Variants in KIF13B observed in about 807,000 individuals in gnomAD.
The protein encoded by KIF13B is kinesin family member 13B.
KIF13B carries 127 observed loss-of-function variants against 222.0 expected under a neutral mutation model. That is an observed-to-expected ratio of 0.57 (90% CI 0.50 to 0.66). KIF13B has a LOEUF of 0.66. KIF13B is among the 30% of genes least tolerant of loss of function. KIF13B has a pLI of 0.00. For synonymous variants in KIF13B, 976 were observed against 919.0 expected (o/e 1.06, Z -1.12); for missense variants, 2,173 against 2,379.0 (o/e 0.91, Z 1.80).
At chr8:29,209,320 C>G (rs1451768756) in intron 2 of KIF13B, among the ~76,000 whole-genome samples, 1 of 152,148 alleles carries the variant, frequency 6.6e-6, no homozygotes, top group African/African-American at 2.4e-5. Flanking sequence ...ATCTGTCTCT[C>G]CATTCTGATG....
chr8:29,101,885 C>T (rs375190912), intron 35 of KIF13B, among the ~76,000 whole-genome samples: 13 of 152,096 alleles, frequency 8.5e-5, no homozygotes, highest in African/African-American at 2.7e-4. Flanking sequence ...CGAATCTCTG[C>T]GGAAACACTC....
intron 24 of KIF13B, among the ~76,000 whole-genome samples, chr8:29,129,553 G>A (rs1017116497): frequency 2.0e-5 from 3 of 151,628 alleles, no homozygotes; most frequent in Non-Finnish European, 2.9e-5. Context: ...TTCTACGCTC[G>A]TTTTCTAGAG....
At position 29,142,269 on chromosome 8, in the gene KIF13B, A is replaced by C; in HGVS notation, c.2222T>G (p.Val741Gly). The change falls in exon 19 of 40, where the codon GTG becomes GGG. Residue 741 changes from valine (V) to glycine (G), a missense_variant. Coordinates refer to ENST00000524189, the MANE Select transcript of KIF13B (RefSeq NM_015254.4). ...GSLLSEPAIQ[V>G]RRKGKGKQIW... ...CTGCTTTCCTTTTCCTTTTCTTCTC[A>C]CCTGGATTGCAGGCTCACTAAGAAG... The C allele has an allele frequency of 1.2e-6, 2 of 1,613,452 alleles. No individual in the cohort carries two copies. Among genetic ancestry groups the C allele is most frequent in the African/African-American group, 2.7e-5 (2 of 74,954 alleles).
In KIF13B at chr8:29,161,497, G is replaced by C. The variant is rs182478778; in HGVS notation, c.1270-630C>G. On this transcript the variant is annotated intron_variant, in intron 12 of 39. Coordinates refer to ENST00000524189, the MANE Select transcript of KIF13B (RefSeq NM_015254.4). ...AGGCAGGCAGATCACTTGAGGTCAG[G>C]CGTTCAAGACCAGCCTGGTGAAACC... Among the ~76,000 whole-genome samples, 7 of 152,276 alleles carry C rather than the reference G, an allele frequency of 4.6e-5. No homozygotes were observed. In the East Asian group the frequency reaches 1.2e-3, roughly 25 times the overall value.
intron 2 of KIF13B, among the ~76,000 whole-genome samples, chr8:29,204,539 A>G (rs557198626): frequency 4.6e-5 from 7 of 152,374 alleles, no homozygotes; most frequent in African/African-American, 1.4e-4. Flanking sequence ...CCCCATCTCT[A>G]TAAAAATTTT....
At chr8:29,185,898 C>A (rs1008798022) in intron 6 of KIF13B, among the ~76,000 whole-genome samples, 2 of 152,194 alleles carry the variant, frequency 1.3e-5, no homozygotes, top group Non-Finnish European at 2.9e-5. Flanking sequence ...GTCAAACCAG[C>A]GTTTGTGAAG....
At chr8:29,223,498 T>C (rs1175704352) in intron 2 of KIF13B, among the ~76,000 whole-genome samples, 2 of 152,226 alleles carry the variant, frequency 1.3e-5, no homozygotes, top group Non-Finnish European at 2.9e-5. Flanking sequence ...ATTTGAATTA[T>C]GTATATCTAA....
chr8:29,079,221 C>T (rs960951703), intron 37 of KIF13B, among the ~76,000 whole-genome samples: 1 of 152,188 alleles, frequency 6.6e-6, no homozygotes, highest in African/African-American at 2.4e-5. Context: ...CACGCCACTC[C>T]GCCCCCGTGG....
chr8:29,072,319 G>A lies in KIF13B; in HGVS notation c.4522-3C>T. On this transcript the variant is annotated splice_region_variant and splice_polypyrimidine_tract_variant and intron_variant, in intron 38 of 39. Transcript: ENST00000524189. The stretch of plus-strand genomic sequence containing the variant: ...TCAGGGCCCATCTCCGGCTGAGCCT[G>A]CAGCAGGACGGGGAAGCAGGGGCTG... The A allele has an allele frequency of 7.1e-7, 1 of 1,404,600 alleles. No individual in the cohort carries two copies. The highest frequency in any genetic ancestry group is 1.7e-5 in the South Asian group (1 of 58,082). The allele number at this position is 1,404,600 out of a possible 1,614,324, so 87.0% of individuals were successfully genotyped here.
chr8:29,105,490 A>G (rs1436094085), intron 35 of KIF13B, among the ~76,000 whole-genome samples: 1 of 152,070 alleles, frequency 6.6e-6, no homozygotes, highest in Non-Finnish European at 1.5e-5. Context: ...TGGGGGGTCC[A>G]TGCCCTCTGC....
intron 6 of KIF13B, among the ~76,000 whole-genome samples, chr8:29,182,616 C>A (rs533068916): frequency 1.6e-3 from 237 of 150,964 alleles, no homozygotes; most frequent in African/African-American, 5.3e-3. Flanking sequence ...AAGAAAACCC[C>A]TCTTAGCAAA....
At chr8:29,095,081 A>G (rs1302071749) in intron 36 of KIF13B, among the ~76,000 whole-genome samples, 2 of 152,194 alleles carry the variant, frequency 1.3e-5, no homozygotes, top group Non-Finnish European at 2.9e-5. Context: ...ATGGGGGAAA[A>G]GTTTTAATGA....
chr8:29,124,036 C>G lies in KIF13B; in HGVS notation c.3340G>C (p.Val1114Leu), dbSNP rs780144243. The change falls in exon 27 of 40, where the codon GTC (valine) becomes CTC (leucine). Residue 1114 changes from valine to leucine, a missense_variant. Physicochemically the swap from Val to Leu is conservative, Grantham distance 32. Around this residue, in one of 2 missense-constraint regions of KIF13B, gnomAD observed 1,480 missense variants for 1,722.8 expected, o/e 0.86. Coordinates refer to ENST00000524189, the MANE Select transcript of KIF13B (RefSeq NM_015254.4). ...EYLDQQLQKL[V>L]SKRDKTEDDA... ...TTGTTTTTCCTACCACGTTTACTGA[C>G]AAGCTTTTGCAATTGTTGATCCAAG... is the stretch of plus-strand genomic sequence containing the variant. 1 of 1,605,412 alleles carries G rather than the reference C, an allele frequency of 6.2e-7. No individual in the cohort carries two copies. Among genetic ancestry groups the G allele is most frequent in the Non-Finnish European group, 8.5e-7 (1 of 1,173,122 alleles).
intron 9 of KIF13B, 50 bp from the exon 10 acceptor site, chr8:29,176,229 T>A: frequency 1.8e-6 from 2 of 1,104,768 alleles, no homozygotes; most frequent in Non-Finnish European, 2.7e-6. Flanking sequence ...ATATATCAAA[T>A]GTCACATTTT....
At chr8:29,206,971 AC>A (rs1016298815) in intron 2 of KIF13B, among the ~76,000 whole-genome samples, 1 of 152,100 alleles carries the variant, frequency 6.6e-6, no homozygotes, top group Non-Finnish European at 1.5e-5. Flanking sequence ...GCACAACGCC[AC>A]CCTGCTTCAT....
chr8:29,186,270 C>T (rs755889238), intron 6 of KIF13B, 22 bp downstream of exon 6: 2 of 1,582,114 alleles, frequency 1.3e-6, no homozygotes, highest in East Asian at 4.5e-5. Flanking sequence ...TGCTGAAACA[C>T]TAAAGTCTCA....
chr8:29,084,287 T>C (rs1446376712), intron 37 of KIF13B, among the ~76,000 whole-genome samples: 1 of 152,218 alleles, frequency 6.6e-6, no homozygotes, highest in Non-Finnish European at 1.5e-5. Flanking sequence ...TATAATTCAT[T>C]TAATCAAAGA....
chr8:29,130,398 A>G, intron 24 of KIF13B, 135 bp downstream of exon 24: 1 of 908,822 alleles, frequency 1.1e-6, no homozygotes, highest in Admixed American at 2.5e-5. Context: ...GTGACATGAG[A>G]TAGGAGAATT....
Position 29,257,291 on chromosome 8 carries a change from C to T in KIF13B, c.55+5689G>A, listed in dbSNP as rs149593500. 1.4e-4 allele frequency among the ~76,000 whole-genome samples: 22 copies of T among 151,942 alleles called. 1 individual carries two copies. In the East Asian group the frequency reaches 1.7e-3, roughly 12 times the overall value. ...GCATGGAGTGGACCAGTTAGTTTCACGCACTTCCCAGGTCACAGGGCACAC... is the reference window on the plus strand; with the variant it reads ...GCATGGAGTGGACCAGTTAGTTTCATGCACTTCCCAGGTCACAGGGCACAC... On this transcript the variant is annotated intron_variant, in intron 1 of 39. Transcript: ENST00000524189.
Sources: allele counts gnomAD v4.1 joint callset (sites outside exome capture counted in the v4.1 genomes callset), GRCh38; gene constraint gnomAD v4.1.1; regional missense constraint gnomAD v4.1.1; transcripts MANE v1.5; gene names NCBI Gene and HGNC (gene_info 2026-07-23, HGNC 2026-07-21).